Variants in SCG5 observed in about 807,000 individuals in gnomAD.
SCG5 encodes neuroendocrine protein 7B2.
In SCG5, 18 loss-of-function variants were observed where a neutral mutation model predicts 25.7. That is an observed-to-expected ratio of 0.70 (90% CI 0.48 to 1.04). The LOEUF (loss-of-function observed/expected upper bound fraction) is 1.04. Among genes scored for constraint, SCG5 ranks in the 50% least tolerant of loss-of-function variants. SCG5 has a pLI of 0.00. For synonymous variants in SCG5, 101 were observed against 91.7 expected (o/e 1.10, Z -0.58); for missense variants, 206 against 259.8 (o/e 0.79, Z 1.42).
chr15:32,669,652 T>C (rs531727298), intron 2 of SCG5, among the ~76,000 whole-genome samples: 1 of 152,312 alleles, frequency 6.6e-6, no homozygotes, highest in South Asian at 2.1e-4. Flanking sequence ...CTAAAAGTGC[T>C]ATTGCAAATT....
intron 3 of SCG5, among the ~76,000 whole-genome samples, chr15:32,683,377 A>G (rs545851817): frequency 1.2e-4 from 19 of 152,314 alleles, no homozygotes; most frequent in South Asian, 4.1e-4. Context: ...CTGTTGTCTA[A>G]AATATATTAG....
At chr15:32,665,485 T>A (rs2054303886) in intron 2 of SCG5, among the ~76,000 whole-genome samples, 1 of 152,146 alleles carries the variant, frequency 6.6e-6, no homozygotes, top group African/African-American at 2.4e-5. Context: ...TTTTATGTCA[T>A]TTTTTATTAT....
At chr15:32,673,142 G>GT (rs1382405696) in intron 2 of SCG5, 1 of 152,146 alleles carries the variant, frequency 6.6e-6, no homozygotes, top group Non-Finnish European at 1.5e-5. Context: ...CAGAACTAGC[G>GT]TAAGTAAAAA....
At chr15:32,691,894 C>G (rs1398468655) in intron 5 of SCG5, 131 bp downstream of exon 5, 1 of 1,502,152 alleles carries the variant, frequency 6.7e-7, no homozygotes, top group South Asian at 1.3e-5. Flanking sequence ...AAACACTGGT[C>G]CATGTGACAA....
At chr15:32,688,776 G>C (rs1478604417) in intron 4 of SCG5, among the ~76,000 whole-genome samples, 1 of 152,010 alleles carries the variant, frequency 6.6e-6, no homozygotes, top group Non-Finnish European at 1.5e-5. Flanking sequence ...GGCTAACACA[G>C]TGAAACCCCG....
At chr15:32,689,847 T>C (rs2054811572) in intron 4 of SCG5, among the ~76,000 whole-genome samples, 2 of 150,540 alleles carry the variant, frequency 1.3e-5, no homozygotes, top group African/African-American at 4.9e-5. Context: ...ATTTCTTTTT[T>C]TTTTTTTTTT....
At chr15:32,685,773 T>G (rs201002613) in intron 4 of SCG5, among the ~76,000 whole-genome samples, 1 of 152,182 alleles carries the variant, frequency 6.6e-6, no homozygotes, top group East Asian at 1.9e-4. Flanking sequence ...TACCTAGGAG[T>G]GTTCCTTCAC....
intron 1 of SCG5, 144 bp from the exon 2 acceptor site, chr15:32,643,442 A>G (rs1166734863): frequency 6.1e-6 from 4 of 651,950 alleles, no homozygotes; most frequent in African/African-American, 5.4e-5. Flanking sequence ...ACTTAAGACA[A>G]AAGCAACCTC....
At chr15:32,691,239 C>G (rs528161231) in intron 4 of SCG5, among the ~76,000 whole-genome samples, 2 of 152,200 alleles carry the variant, frequency 1.3e-5, no homozygotes, top group Non-Finnish European at 2.9e-5. Context: ...GGGGCACTGA[C>G]TTAACGCCAC....
chr15:32,658,157 G>A (rs890812815), intron 2 of SCG5, among the ~76,000 whole-genome samples: 4 of 152,156 alleles, frequency 2.6e-5, no homozygotes, highest in African/African-American at 4.8e-5. Context: ...GATATCCAGG[G>A]AATGGCAAAG....
intron 2 of SCG5, among the ~76,000 whole-genome samples, chr15:32,654,940 T>G (rs564623482): frequency 6.6e-6 from 1 of 152,276 alleles, no homozygotes; most frequent in Admixed American, 6.5e-5. Flanking sequence ...ATTTTGACGG[T>G]AATAACCTAA....
At chr15:32,648,605 C>G (rs1488123745) in intron 2 of SCG5, among the ~76,000 whole-genome samples, 3 of 151,950 alleles carry the variant, frequency 2.0e-5, no homozygotes, top group Admixed American at 2.0e-4. Flanking sequence ...TGAGTCACAC[C>G]GGCCTCTTCC....
chr15:32,657,800 A>C (rs1449896218), intron 2 of SCG5, among the ~76,000 whole-genome samples: 4 of 152,218 alleles, frequency 2.6e-5, no homozygotes, highest in African/African-American at 9.6e-5. Context: ...TGCCTACTAC[A>C]TGCCAGGAAC....
intron 2 of SCG5, among the ~76,000 whole-genome samples, chr15:32,674,130 G>A (rs1227699770): frequency 1.3e-5 from 2 of 152,088 alleles, no homozygotes; most frequent in Non-Finnish European, 2.9e-5. Context: ...TCAAGAACAG[G>A]CAAAGTCATA....
At chr15:32,672,910 TCA>T (rs1187682980) in intron 2 of SCG5, 1 of 73,196 alleles carries the variant, frequency 1.4e-5, no homozygotes, top group African/African-American at 7.3e-5. Context: ...AACCATAACA[TCA>T]CAAAAAAAAA....
At position 32,680,008 on chromosome 15, in the gene SCG5, G is replaced by A; in HGVS notation, c.376+93G>A. 11 of 1,225,110 alleles carry A rather than the reference G, an allele frequency of 9.0e-6. No individual in the cohort carries two copies. In the South Asian group the frequency reaches 1.6e-4, roughly 17 times the overall value. The allele number at this position is 1,225,110 out of a possible 1,614,324, so 75.9% of individuals were successfully genotyped here. Reference sequence around the variant, plus strand: ...TCAGCTACAAATATTCCCAGAAATTGTTATTTCCATTCTGATGAGCCCATG... The same window carrying A: ...TCAGCTACAAATATTCCCAGAAATTATTATTTCCATTCTGATGAGCCCATG... On this transcript the variant is annotated intron_variant, in intron 3 of 5. Coordinates refer to ENST00000300175, the MANE Select transcript of SCG5 (RefSeq NM_001144757.3).
intron 5 of SCG5, among the ~76,000 whole-genome samples, chr15:32,692,725 T>C (rs1441422369): frequency 6.6e-6 from 1 of 152,070 alleles, no homozygotes; most frequent in Non-Finnish European, 1.5e-5. Flanking sequence ...CTCACAAAAT[T>C]TGGGAATCTG....
rs971397743 is a variant in SCG5 at position 32,643,483 on chromosome 15, G to T, written c.-7-103G>T. ...GATTCTTTGTTACAACCCCTTTCTG[G>T]GTGGTCCTCGAACCACAACCTGGAG... is the stretch of plus-strand genomic sequence containing the variant. On this transcript the variant is annotated intron_variant, in intron 1 of 5. Coordinates refer to ENST00000300175, the MANE Select transcript of SCG5 (RefSeq NM_001144757.3). The T allele has an allele frequency of 9.4e-5, 82 of 868,772 alleles. 1 individual carries two copies. In the Middle Eastern group the frequency reaches 1.4e-3, roughly 15 times the overall value. 53.8% of individuals were successfully genotyped at this position (868,772 alleles called of 1,614,324 possible). A position where few individuals can be genotyped will look rare whatever the true frequency, so the allele number is the denominator to read the frequency against.
chr15:32,691,122 G>A (rs186783731), intron 4 of SCG5, among the ~76,000 whole-genome samples: 29 of 152,204 alleles, frequency 1.9e-4, no homozygotes, highest in Non-Finnish European at 3.4e-4. Flanking sequence ...CCTGCCCCCC[G>A]ACCCAACATA....
Sources: gnomAD v4.1 joint callset for allele counts (sites outside exome capture counted in the v4.1 genomes callset) on GRCh38, gnomAD v4.1.1 for gene constraint, MANE v1.5 for transcripts, NCBI Gene and HGNC (gene_info 2026-07-23, HGNC 2026-07-21) for gene names.